GNAO1: variants seen among roughly 807,000 people sequenced by gnomAD.
GNAO1 encodes the protein guanine nucleotide-binding protein G(o) subunit alpha.
For missense variants in GNAO1, 166 were observed against 478.7 expected (o/e 0.35, Z 6.10); for synonymous variants, 164 against 180.7 (o/e 0.91, Z 0.74).
At chr16:56,295,793 C>T (rs1567473030) in intron 3 of GNAO1, among the ~76,000 whole-genome samples, 1 of 152,234 alleles carries the variant, frequency 6.6e-6, no homozygotes, top group Non-Finnish European at 1.5e-5. Context: ...CCCTGTTTGC[C>T]GCTGACACTG....
At chr16:56,192,831 G>C (rs576728616) in intron 2 of GNAO1, 1 of 564,380 alleles carries the variant, frequency 1.8e-6, no homozygotes, top group Non-Finnish European at 3.2e-6. Flanking sequence ...GTGTTTTTTG[G>C]GAGGGGGAAG....
At chr16:56,333,230 C>T (rs1264283837) in intron 4 of GNAO1, among the ~76,000 whole-genome samples, 4 of 150,660 alleles carry the variant, frequency 2.7e-5, no homozygotes, top group East Asian at 1.9e-4. Flanking sequence ...TTTTTCTCCC[C>T]GAGACAGAGT....
chr16:56,275,291 C>T (rs770732166), intron 2 of GNAO1, among the ~76,000 whole-genome samples: 15 of 152,350 alleles, frequency 9.8e-5, no homozygotes, highest in Non-Finnish European at 2.1e-4. Context: ...GCAGGCAGTG[C>T]CACGTGGCCT....
chr16:56,198,364 A>G (rs1363762904), intron 2 of GNAO1, among the ~76,000 whole-genome samples: 1 of 152,216 alleles, frequency 6.6e-6, no homozygotes, highest in Non-Finnish European at 1.5e-5. Context: ...TGTCCAACAG[A>G]TCTGTGATTA....
intron 3 of GNAO1, among the ~76,000 whole-genome samples, chr16:56,317,817 C>G (rs1169097345): frequency 6.6e-6 from 1 of 152,038 alleles, no homozygotes; most frequent in Non-Finnish European, 1.5e-5. Context: ...GCACTGAATC[C>G]TTGGTTCTGC....
intron 3 of GNAO1, among the ~76,000 whole-genome samples, chr16:56,295,848 G>A (rs1256876251): frequency 6.6e-6 from 1 of 152,218 alleles, no homozygotes; most frequent in Non-Finnish European, 1.5e-5. Flanking sequence ...GGGCTCCTGG[G>A]TAGTTGTTTG....
At chr16:56,239,309 T>A (rs1175208454) in intron 2 of GNAO1, among the ~76,000 whole-genome samples, 1 of 152,244 alleles carries the variant, frequency 6.6e-6, no homozygotes, top group African/African-American at 2.4e-5. Context: ...GCATTGATGC[T>A]ACTCACAAGC....
rs1220125693 is a variant in GNAO1 at position 56,311,946 on chromosome 16, C to T, written c.304-16685C>T. On this transcript the variant is annotated intron_variant, in intron 3 of 8. Coordinates refer to ENST00000262493, the MANE Select transcript of GNAO1 (RefSeq NM_020988.3). The surrounding 1 kb of genome is among the most constrained non-coding windows in gnomAD (Gnocchi z 5.2). The stretch of plus-strand genomic sequence containing the variant: ...ACTACCAGCATCAACACGGTAATGC[C>T]GGTTCCCCTGGGTGGGCACCAGCCA... Among the ~76,000 whole-genome samples, 2 of 152,298 alleles carry T rather than the reference C, an allele frequency of 1.3e-5. No individual in the cohort carries two copies. The highest frequency in any genetic ancestry group is 1.5e-5 in the Non-Finnish European group (1 of 68,030).
intron 3 of GNAO1, among the ~76,000 whole-genome samples, chr16:56,279,341 C>T (rs2037093309): frequency 6.6e-6 from 1 of 152,194 alleles, no homozygotes; most frequent in Admixed American, 6.5e-5. Context: ...GGCCCCGTGA[C>T]TGTGCGTGAG....
chr16:56,222,714 T>C (rs1265926116), intron 2 of GNAO1, among the ~76,000 whole-genome samples: 1 of 151,998 alleles, frequency 6.6e-6, no homozygotes, highest in Non-Finnish European at 1.5e-5. Flanking sequence ...AATGCAGAAA[T>C]GGAGTGAGCC....
chr16:56,207,586 T>C (rs16956159), intron 2 of GNAO1, among the ~76,000 whole-genome samples: 21,285 of 152,238 alleles, frequency 0.14, 1,988 homozygotes, highest in African/African-American at 0.26. Flanking sequence ...TTTACCAACT[T>C]GGATGCTTAA....
intron 2 of GNAO1, among the ~76,000 whole-genome samples, chr16:56,232,147 C>T (rs1229071718): frequency 6.6e-6 from 1 of 152,146 alleles, no homozygotes; most frequent in Non-Finnish European, 1.5e-5. Flanking sequence ...TACTATTGCT[C>T]ATCTTTTGAT....
chr16:56,293,009 T>C (rs1318678591), intron 3 of GNAO1, among the ~76,000 whole-genome samples: 1 of 152,146 alleles, frequency 6.6e-6, no homozygotes, highest in African/African-American at 2.4e-5. Flanking sequence ...AACTCCCCTG[T>C]GGTCAGTGGT....
chr16:56,196,521 C>A (rs1385839912), intron 2 of GNAO1, among the ~76,000 whole-genome samples: 3 of 152,170 alleles, frequency 2.0e-5, no homozygotes, highest in Non-Finnish European at 4.4e-5. Flanking sequence ...TAAGTGACTT[C>A]CCAGTTCTGA....
intron 2 of GNAO1, among the ~76,000 whole-genome samples, chr16:56,203,076 C>CA (rs2036294896): frequency 6.6e-6 from 1 of 152,178 alleles, no homozygotes; most frequent in Non-Finnish European, 1.5e-5. Context: ...ATTCAATTCT[C>CA]AAAGGTGCAG....
At chr16:56,198,327 C>T (rs1734707519) in intron 2 of GNAO1, among the ~76,000 whole-genome samples, 1 of 152,212 alleles carries the variant, frequency 6.6e-6, no homozygotes, top group African/African-American at 2.4e-5. Context: ...CCCTCTCATT[C>T]ACACACAGCA....
intron 3 of GNAO1, among the ~76,000 whole-genome samples, chr16:56,300,078 T>C (rs1275086238): frequency 6.6e-6 from 1 of 150,602 alleles, no homozygotes; most frequent in Non-Finnish European, 1.5e-5. Flanking sequence ...TGAGTGTGTC[T>C]GTGTCCACGT....
chr16:56,331,266 T>C (rs1241922562), intron 4 of GNAO1, among the ~76,000 whole-genome samples: 1 of 152,192 alleles, frequency 6.6e-6, no homozygotes, highest in Non-Finnish European at 1.5e-5. Context: ...CTCTCCCTTC[T>C]GGATAACTAC....
chr16:56,193,872 C>T (rs1311974214), intron 2 of GNAO1: 3 of 354,336 alleles, frequency 8.5e-6, no homozygotes, highest in East Asian at 1.5e-4. Flanking sequence ...GCACACACAG[C>T]TCCTAATTAG....
Sources: allele counts gnomAD v4.1 joint callset (sites outside exome capture counted in the v4.1 genomes callset), GRCh38; gene constraint gnomAD v4.1.1; non-coding constraint Gnocchi (gnomAD v3.1); transcripts MANE v1.5; gene names NCBI Gene and HGNC (gene_info 2026-07-23, HGNC 2026-07-21).